Variants in ZNF469 observed in about 807,000 individuals in gnomAD.
The protein encoded by ZNF469 is zinc finger protein 469.
ZNF469 carries 1 observed loss-of-function variant against 1.0 expected under a neutral mutation model. The ratio of observed to expected loss-of-function variants is 1.00; its 90% CI spans 0.35 to 4.73. ZNF469 has a LOEUF of 4.73. Among genes scored for constraint, ZNF469 ranks in the 30% most tolerant of loss-of-function variants. ZNF469 has a pLI of 0.16. For missense variants in ZNF469, 6,100 were observed against 5,356.3 expected (o/e 1.14, Z -4.33); for synonymous variants, 2,703 against 2,363.4 (o/e 1.14, Z -4.17).
At chr16:88,367,477 C>T in the ZNF469 span, among the ~76,000 whole-genome samples, 1 of 152,246 alleles carries the variant, frequency 6.6e-6, no homozygotes, top group Non-Finnish European at 1.5e-5. Flanking sequence ...GCCACCTTTT[C>T]CCAGGGCATG....
the ZNF469 span, among the ~76,000 whole-genome samples, chr16:88,308,455 G>C: frequency 6.6e-6 from 1 of 152,120 alleles, no homozygotes; most frequent in African/African-American, 2.4e-5. Flanking sequence ...TAAGGACCTA[G>C]GGAATCTTTC....
chr16:88,276,699 A>C, the ZNF469 span: 1 of 152,256 alleles, frequency 6.6e-6, no homozygotes, highest in African/African-American at 2.4e-5. Context: ...CTGGAATCAT[A>C]GCAGTGCATG....
At chr16:88,207,985 G>C in the ZNF469 span, among the ~76,000 whole-genome samples, 3 of 152,178 alleles carry the variant, frequency 2.0e-5, no homozygotes, top group African/African-American at 7.2e-5. Flanking sequence ...TTTGTGAGCT[G>C]CCTTTGGAAT....
the ZNF469 span, among the ~76,000 whole-genome samples, chr16:88,239,699 A>G: frequency 8.2e-5 from 1 of 12,234 alleles, no homozygotes; most frequent in African/African-American, 6.6e-4. Flanking sequence ...ATATATATAT[A>G]TATATATATA....
intron 1 of ZNF469, among the ~76,000 whole-genome samples, chr16:88,393,331 G>A (rs944090440): frequency 4.5e-4 from 68 of 152,356 alleles, no homozygotes; most frequent in African/African-American, 1.4e-3. Context: ...TTAGCTGAGC[G>A]CTCAGGGCCT....
chr16:88,340,895 G>T, the ZNF469 span, among the ~76,000 whole-genome samples: 1 of 152,230 alleles, frequency 6.6e-6, no homozygotes, highest in Non-Finnish European at 1.5e-5. Flanking sequence ...GAGAGCCCGG[G>T]GGCCTAGCGT....
intron 1 of ZNF469, among the ~76,000 whole-genome samples, chr16:88,393,358 C>T (rs1166641775): frequency 6.6e-6 from 1 of 152,318 alleles, no homozygotes; most frequent in South Asian, 2.1e-4. Flanking sequence ...AGCTGGGAGC[C>T]GCATTTAGCT....
chr16:88,411,679 T>C (rs1597197845), intron 1 of ZNF469, among the ~76,000 whole-genome samples: 1 of 152,240 alleles, frequency 6.6e-6, no homozygotes, highest in East Asian at 1.9e-4. Context: ...GAGACGGCGG[T>C]GGCCTGAGGT....
chr16:88,197,717 A>G, the ZNF469 span, among the ~76,000 whole-genome samples: 35 of 152,324 alleles, frequency 2.3e-4, 1 homozygote, highest in East Asian at 1.9e-4. Flanking sequence ...TGGGGCTGCC[A>G]TCATTCGCAG....
the ZNF469 span, among the ~76,000 whole-genome samples, chr16:88,105,363 G>C: frequency 6.8e-6 from 1 of 147,958 alleles, no homozygotes; most frequent in Non-Finnish European, 1.5e-5. Flanking sequence ...GGAGTGTAAT[G>C]GTGCAATCTT....
At chr16:88,233,130 G>A in the ZNF469 span, among the ~76,000 whole-genome samples, 4 of 152,220 alleles carry the variant, frequency 2.6e-5, no homozygotes, top group African/African-American at 9.6e-5. Context: ...CCTGTGTGGG[G>A]AACTGAGGCC....
chr16:88,101,488 A>T, the ZNF469 span, among the ~76,000 whole-genome samples: 1 of 151,054 alleles, frequency 6.6e-6, no homozygotes, highest in Non-Finnish European at 1.5e-5. Context: ...GGGTTGGGAT[A>T]TGCTGTGGAC....
chr16:88,188,444 C>T, the ZNF469 span, among the ~76,000 whole-genome samples: 18 of 152,210 alleles, frequency 1.2e-4, no homozygotes, highest in Admixed American at 2.6e-4. Context: ...GCCTAGTGGA[C>T]GGCATGGGCT....
chr16:88,428,335 C>T lies in ZNF469; in HGVS notation c.865C>T (p.Pro289Ser). 1 of 1,549,938 alleles carries T rather than the reference C, an allele frequency of 6.5e-7. No individual in the cohort carries two copies. Among genetic ancestry groups the T allele is most frequent in the East Asian group, 2.4e-5 (1 of 40,898 alleles). The change falls in exon 3 of 3, where the codon CCT (proline) becomes TCT (serine). Residue 289 changes from proline (P) to serine (S), a missense_variant. Coordinates refer to ENST00000565624, the MANE Select transcript of ZNF469 (RefSeq NM_001367624.2). ...GCATGGGGCCAGCACAAAACCCTTC[C>T]CTGCGGATGTGGCTGGGCACGCATT... The part of the protein sequence containing the change: ...ALHGASTKPF[P>S]ADVAGHAFTN...
chr16:88,213,869 A>T, the ZNF469 span, among the ~76,000 whole-genome samples: 1 of 152,128 alleles, frequency 6.6e-6, no homozygotes, highest in Non-Finnish European at 1.5e-5. Flanking sequence ...GAGGCTTACG[A>T]TGAGAGCTCA....
chr16:88,242,429 C>G, the ZNF469 span, among the ~76,000 whole-genome samples: 19,461 of 152,188 alleles, frequency 0.13, 1,482 homozygotes, highest in Middle Eastern at 0.25. Context: ...CTCCTTGTGA[C>G]CTCACTTGGC....
At chr16:88,418,182 C>T (rs956361695) in intron 1 of ZNF469, among the ~76,000 whole-genome samples, 6 of 152,200 alleles carry the variant, frequency 3.9e-5, no homozygotes, top group African/African-American at 7.2e-5. Flanking sequence ...GGTGTGATGC[C>T]GGCAGTGAGG....
intron 1 of ZNF469, among the ~76,000 whole-genome samples, chr16:88,417,474 T>C (rs1043968255): frequency 6.6e-6 from 1 of 152,206 alleles, no homozygotes; most frequent in African/African-American, 2.4e-5. Context: ...AGCCTTGGGA[T>C]ACCCGCCTGG....
chr16:88,403,910 G>C (rs1904953758), intron 1 of ZNF469, among the ~76,000 whole-genome samples: 1 of 152,124 alleles, frequency 6.6e-6, no homozygotes, highest in South Asian at 2.1e-4. Flanking sequence ...TGGGCAAGGA[G>C]GGGCAGCGCC....
Sources: allele counts gnomAD v4.1 joint callset (sites outside exome capture counted in the v4.1 genomes callset), GRCh38; gene constraint gnomAD v4.1.1; transcripts MANE v1.5; gene names NCBI Gene and HGNC (gene_info 2026-07-23, HGNC 2026-07-21).